Variants in EDA observed in about 807,000 individuals in gnomAD.
EDA encodes ectodysplasin A.
Under a neutral mutation model 23.6 loss-of-function variants are expected in EDA, and 2 were observed. That is an observed-to-expected ratio of 0.08 (90% CI 0.03 to 0.27). The LOEUF is 0.27. Ranked by LOEUF, EDA falls within the 10% of genes least tolerant of loss-of-function variation. The pLI is 1.00. For synonymous variants in EDA, 131 were observed against 132.0 expected (o/e 0.99, Z 0.05); for missense variants, 229 against 324.2 (o/e 0.71, Z 2.26).
intron 1 of EDA, among the ~76,000 whole-genome samples, chrX:69,879,093 C>T (rs1376590736): frequency 9.0e-6 from 1 of 110,697 alleles, no homozygotes; most frequent in Non-Finnish European, 1.9e-5. Flanking sequence ...CTCCCCGCCC[C>T]CAACCGCTCC....
At chrX:69,937,161 C>T (rs1450382089) in intron 1 of EDA, 9 of 1,098,259 alleles carry the variant, frequency 8.2e-6, no homozygotes, top group African/African-American at 1.8e-5. Context: ...TATTTCATGT[C>T]ATGACTGCTT....
rs937129004 is a variant in EDA, at chrX:70,037,218, C to T, written c.*1609C>T. ...ATTTCCTTCAGGCAGCTGAAATTCA[C>T]CAAGAACAGCGGGTACTTATTTCTC... On this transcript the variant is annotated 3_prime_UTR_variant, in exon 8 of 8. Coordinates refer to ENST00000374552, the MANE Select transcript of EDA (RefSeq NM_001399.5). The T allele has an allele frequency of 8.9e-6, 1 of 112,225 alleles. No individual in the cohort carries two copies. Among genetic ancestry groups the T allele is most frequent in the African/African-American group, 3.2e-5 (1 of 30,822 alleles). 9.2% of individuals were successfully genotyped at this position (112,225 alleles called of 1,213,427 possible).
intron 1 of EDA, among the ~76,000 whole-genome samples, chrX:69,866,068 A>G (rs1304619527): frequency 9.0e-6 from 1 of 111,652 alleles, no homozygotes; most frequent in African/African-American, 3.3e-5. Flanking sequence ...TCTACTACCC[A>G]TTCTGTATTC....
rs200318544 is a variant in EDA, at chrX:69,934,519, ATGTC to A, written c.397-22502_397-22499del. ...TCTTTATCAGCCAGCATCCTATTCA[ATGTC>A]TGTCTATCAGAAATGTATTGGGATC... On this transcript the variant is annotated intron_variant, in intron 1 of 7. Coordinates refer to ENST00000374552, the MANE Select transcript of EDA (RefSeq NM_001399.5). 5.6e-3 allele frequency among the ~76,000 whole-genome samples: 622 copies of A among 111,807 alleles called. 5 individuals carry two copies. Among genetic ancestry groups the A allele is most frequent in the South Asian group, 0.012 (32 of 2,649 alleles).
intron 1 of EDA, among the ~76,000 whole-genome samples, chrX:69,720,709 TC>T (rs1247756357): frequency 8.9e-6 from 1 of 112,585 alleles, no homozygotes; most frequent in African/African-American, 3.2e-5. Context: ...TCCATTTGGT[TC>T]CTTTTTTAAT....
intron 1 of EDA, among the ~76,000 whole-genome samples, chrX:69,862,443 G>T (rs1446437073): frequency 3.6e-5 from 4 of 111,372 alleles, no homozygotes; most frequent in Admixed American, 9.5e-5. Flanking sequence ...TTAAAAAGTT[G>T]TGAACATACA....
chrX:69,887,516 A>G (rs1332666931), intron 1 of EDA, among the ~76,000 whole-genome samples: 1 of 111,723 alleles, frequency 9.0e-6, no homozygotes, highest in African/African-American at 3.3e-5. Context: ...AAGAAAGTTT[A>G]TTTAAAGAAA....
chrX:69,750,886 A>G (rs144310449), intron 1 of EDA, among the ~76,000 whole-genome samples: 37,017 of 110,046 alleles, frequency 0.34, 5,237 homozygotes, highest in Middle Eastern at 0.59. Flanking sequence ...TTTTTTTCTT[A>G]TAAATTTGTT....
intron 1 of EDA, among the ~76,000 whole-genome samples, chrX:69,915,969 G>A (rs2018336766): frequency 8.9e-6 from 1 of 111,798 alleles, no homozygotes; most frequent in African/African-American, 3.3e-5. Flanking sequence ...TTTTCTCTGA[G>A]TAAATAAAGT....
chrX:69,757,903 T>C (rs1372426929), intron 1 of EDA, among the ~76,000 whole-genome samples: 1 of 112,456 alleles, frequency 8.9e-6, no homozygotes, highest in African/African-American at 3.2e-5. Context: ...TTTAATATAC[T>C]TTGTACAAAG....
At chrX:69,640,694 T>G (rs2147230107) in intron 1 of EDA, among the ~76,000 whole-genome samples, 1 of 109,864 alleles carries the variant, frequency 9.1e-6, no homozygotes, top group South Asian at 4.0e-4. Flanking sequence ...TAGGGTGAAG[T>G]GGGGTAAGGA....
intron 1 of EDA, among the ~76,000 whole-genome samples, chrX:69,889,638 C>G (rs1250980128): frequency 9.0e-6 from 1 of 111,469 alleles, no homozygotes; most frequent in African/African-American, 3.3e-5. Flanking sequence ...TGTTTTTTGT[C>G]ATTTGATTTT....
chrX:69,946,736 T>C (rs959602963), intron 1 of EDA, among the ~76,000 whole-genome samples: 4 of 111,281 alleles, frequency 3.6e-5, no homozygotes, highest in Admixed American at 9.7e-5. Flanking sequence ...ATCTAGAATG[T>C]TGTAGTCAGA....
At chrX:69,844,144 G>T (rs186883632) in intron 1 of EDA, among the ~76,000 whole-genome samples, 4 of 111,194 alleles carry the variant, frequency 3.6e-5, no homozygotes, top group Non-Finnish European at 7.5e-5. Context: ...AGACTACAGC[G>T]AATTTTTAAT....
In EDA at chrX:69,772,894, A is replaced by G. The variant is rs569227833; in HGVS notation, c.396+156190A>G. Among the ~76,000 whole-genome samples, 100 of 111,664 alleles carry G rather than the reference A, an allele frequency of 9.0e-4. 1 individual carries two copies. The highest frequency in any genetic ancestry group is 1.6e-3 in the Non-Finnish European group (83 of 53,133). On this transcript the variant is annotated intron_variant, in intron 1 of 7. Transcript: ENST00000374552. The stretch of plus-strand genomic sequence containing the variant: ...TATCCGGTCCCATAGATAGGCATCT[A>G]GGTTGATTAAATTTGCCACTTTAGA...
chrX:69,685,924 A>G (rs1934527881), intron 1 of EDA, among the ~76,000 whole-genome samples: 1 of 113,211 alleles, frequency 8.8e-6, no homozygotes, highest in Non-Finnish European at 1.9e-5. Flanking sequence ...GTTAACATAA[A>G]TAACATAAAT....
At chrX:70,001,808 A>T (rs777399031) in intron 2 of EDA, among the ~76,000 whole-genome samples, 1 of 112,184 alleles carries the variant, frequency 8.9e-6, no homozygotes, top group Non-Finnish European at 1.9e-5. Context: ...AGAGCTGGAG[A>T]TGGAATACTC....
At chrX:70,027,127 A>AC (rs763990449) in intron 3 of EDA, among the ~76,000 whole-genome samples, 2 of 112,217 alleles carry the variant, frequency 1.8e-5, no homozygotes, top group East Asian at 5.7e-4. Flanking sequence ...CCACAAAGTG[A>AC]CCCATAGGTC....
At chrX:69,888,978 TTATATATATATATATATATATATATATA>T (rs935436674) in intron 1 of EDA, among the ~76,000 whole-genome samples, 15 of 16,013 alleles carry the variant, frequency 9.4e-4, no homozygotes, top group East Asian at 3.3e-3. Flanking sequence ...TGTGGGGTAG[TTATATATATATATATATATATATATATA>T]TATATATATA....
Sources: allele counts gnomAD v4.1 joint callset (sites outside exome capture counted in the v4.1 genomes callset), GRCh38; gene constraint gnomAD v4.1.1; transcripts MANE v1.5; gene names NCBI Gene and HGNC (gene_info 2026-07-23, HGNC 2026-07-21).